Variants in DSE observed in about 807,000 individuals in gnomAD.
The protein encoded by DSE is dermatan-sulfate epimerase.
Under a neutral mutation model 84.4 loss-of-function variants are expected in DSE, and 36 were observed. That is an observed-to-expected ratio of 0.43 (90% CI 0.33 to 0.56). DSE has a LOEUF of 0.56. DSE is among the 20% of genes least tolerant of loss of function. The pLI, the probability that DSE is intolerant of heterozygous loss-of-function variation, is 0.06. For synonymous variants in DSE, 410 were observed against 430.1 expected (o/e 0.95, Z 0.58); for missense variants, 862 against 1,169.6 (o/e 0.74, Z 3.84).
At chr6:116,389,063 C>T (rs1780736486) in intron 1 of DSE, among the ~76,000 whole-genome samples, 1 of 152,110 alleles carries the variant, frequency 6.6e-6, no homozygotes, top group Non-Finnish European at 1.5e-5. Flanking sequence ...TGAGCGTTTC[C>T]TCCTGGGGTC....
chr6:116,382,198 G>A (rs900325026), intron 1 of DSE, among the ~76,000 whole-genome samples: 3 of 152,104 alleles, frequency 2.0e-5, no homozygotes, highest in African/African-American at 7.2e-5. Context: ...GTCCCATTTA[G>A]AGGTTTGGGG....
chr6:116,319,813 A>G (rs1776196552), intron 2 of DSE, among the ~76,000 whole-genome samples: 1 of 152,052 alleles, frequency 6.6e-6, no homozygotes, highest in Non-Finnish European at 1.5e-5. Flanking sequence ...CAACTCATCC[A>G]ACATGTTGTT....
At chr6:116,299,279 T>A (rs1774847058) in intron 2 of DSE, among the ~76,000 whole-genome samples, 1 of 151,992 alleles carries the variant, frequency 6.6e-6, no homozygotes, top group South Asian at 2.1e-4. Context: ...CTAGTTAATG[T>A]AGTTTTGTGC....
rs1784262084 is a variant in DSE, at chr6:116,437,525, T to C, written c.*180T>C. 2 of 618,444 alleles carry C rather than the reference T, an allele frequency of 3.2e-6. No individual in the cohort carries two copies. The highest frequency in any genetic ancestry group is 3.0e-5 in the East Asian group (1 of 33,554). 38.3% of individuals were successfully genotyped at this position (618,444 alleles called of 1,614,324 possible). Reference sequence around the variant, plus strand: ...GAAATTGGAGCAGGAAAAGAAATTATCAAAGCAATAGAAATAGCTTGGTGG... The same window carrying C: ...GAAATTGGAGCAGGAAAAGAAATTACCAAAGCAATAGAAATAGCTTGGTGG... On this transcript the variant is annotated 3_prime_UTR_variant, in exon 6 of 6. Transcript: ENST00000644252.
At chr6:116,254,522 T>G in intron 1 of DSE, 2 of 242,112 alleles carry the variant, frequency 8.3e-6, no homozygotes, top group East Asian at 2.3e-4. Flanking sequence ...AGAGTTTGAT[T>G]TTAAAGAGAA....
chr6:116,351,894 T>A (rs975338946), intron 2 of DSE, among the ~76,000 whole-genome samples: 53 of 152,226 alleles, frequency 3.5e-4, no homozygotes, highest in African/African-American at 1.2e-3. Context: ...TTATCCCAAC[T>A]TTGGTAGAAC....
At chr6:116,371,255 A>G in intron 1 of DSE, 134 bp downstream of exon 1, 1 of 970,648 alleles carries the variant, frequency 1.0e-6, no homozygotes, top group Non-Finnish European at 1.2e-6. Flanking sequence ...CTGAGAGCGG[A>G]GCGCCGCGGG....
chr6:116,382,130 A>G (rs1050720448), intron 1 of DSE, among the ~76,000 whole-genome samples: 1 of 151,200 alleles, frequency 6.6e-6, no homozygotes, highest in Non-Finnish European at 1.5e-5. Context: ...GGTCTGCCCT[A>G]TTCCAATATG....
upstream of DSE, chr6:116,370,773 C>T (rs1779486964): frequency 2.1e-6 from 2 of 946,698 alleles, no homozygotes; most frequent in South Asian, 4.9e-5. Context: ...GGCGGGCCTG[C>T]GGTCGGGGTT....
chr6:116,394,117 T>C (rs1209262263), intron 1 of DSE, among the ~76,000 whole-genome samples: 4 of 152,222 alleles, frequency 2.6e-5, no homozygotes, highest in African/African-American at 9.6e-5. Flanking sequence ...CTCTGAAATT[T>C]ATTGTGGAAC....
At chr6:116,340,679 C>A (rs1405452541) in intron 2 of DSE, among the ~76,000 whole-genome samples, 7 of 151,974 alleles carry the variant, frequency 4.6e-5, no homozygotes, top group Non-Finnish European at 1.0e-4. Flanking sequence ...TGATGTTCCC[C>A]GCCCTGTGTC....
At position 116,365,057 on chromosome 6, in the gene DSE, C is replaced by T. The variant is rs947649780; in HGVS notation, c.-53-34141C>T. Reference sequence around the variant, plus strand: ...TTTGCCATGTTGCCCAGGCTGATCTCGAACTCCTGGGCTCAAGCAGTTTGC... The same window carrying T: ...TTTGCCATGTTGCCCAGGCTGATCTTGAACTCCTGGGCTCAAGCAGTTTGC... On this transcript the variant is annotated intron_variant, in intron 2 of 3. Coordinates refer to the DSE transcript ENST00000430252. 9.2e-5 allele frequency among the ~76,000 whole-genome samples: 14 copies of T among 152,052 alleles called. No homozygotes were observed. The East Asian group carries it at 2.7e-3, about 29-fold the overall frequency.
upstream of DSE, chr6:116,366,423 C>T (rs949902857): frequency 1.3e-5 from 2 of 152,122 alleles, no homozygotes; most frequent in Non-Finnish European, 2.9e-5. Flanking sequence ...CATGAAGGAG[C>T]TTATAATACT....
Position 116,436,056 on chromosome 6 carries a change from G to T in DSE, c.1588G>T (p.Glu530Ter). 2 of 1,613,992 alleles carry T rather than the reference G, an allele frequency of 1.2e-6. No individual in the cohort carries two copies. Among genetic ancestry groups the T allele is most frequent in the Non-Finnish European group, 1.7e-6 (2 of 1,180,010 alleles). The change falls in exon 6 of 6, where the codon GAG (glutamate) becomes TAG (stop). Residue 530 changes from glutamate to a stop codon, truncating the protein, a stop_gained. Transcript: ENST00000644252. LOFTEE classifies it high-confidence loss of function. ...SCQGRVVAAE[E>*]KNGVVFIRGE... ...TCAGGGGAGGGTGGTTGCAGCAGAGGAGAAAAATGGGGTGGTTTTCATCCG... is the reference window on the plus strand; with the variant it reads ...TCAGGGGAGGGTGGTTGCAGCAGAGTAGAAAAATGGGGTGGTTTTCATCCG...
chr6:116,347,555 TTTAA>T (rs1778058791), intron 2 of DSE, among the ~76,000 whole-genome samples: 1 of 152,216 alleles, frequency 6.6e-6, no homozygotes, highest in South Asian at 2.1e-4. Context: ...AGATTCCCTG[TTTAA>T]TTAAGTGGTT....
At chr6:116,302,763 T>C (rs1176692092) in intron 2 of DSE, among the ~76,000 whole-genome samples, 1 of 152,232 alleles carries the variant, frequency 6.6e-6, no homozygotes, top group Non-Finnish European at 1.5e-5. Context: ...CTAGGGTTTT[T>C]TATGGTTTTA....
At chr6:116,275,422 T>G (rs1302890631) in intron 2 of DSE, among the ~76,000 whole-genome samples, 1 of 152,252 alleles carries the variant, frequency 6.6e-6, no homozygotes. Flanking sequence ...TCATTAAATC[T>G]TTCTGAGAAC....
intron 2 of DSE, among the ~76,000 whole-genome samples, chr6:116,410,237 T>C (rs1281578220): frequency 6.6e-6 from 1 of 152,098 alleles, no homozygotes; most frequent in Non-Finnish European, 1.5e-5. Flanking sequence ...GGTCAAGAAA[T>C]AGGACTTTGC....
At chr6:116,333,912 C>A (rs980611312) in intron 2 of DSE, among the ~76,000 whole-genome samples, 1 of 152,242 alleles carries the variant, frequency 6.6e-6, no homozygotes, top group African/African-American at 2.4e-5. Context: ...ATCGAGGCTG[C>A]AGTGAGCCAT....
Sources: gnomAD v4.1 joint callset for allele counts (sites outside exome capture counted in the v4.1 genomes callset) on GRCh38, gnomAD v4.1.1 for gene constraint, MANE v1.5 for transcripts, NCBI Gene and HGNC (gene_info 2026-07-23, HGNC 2026-07-21) for gene names.